The following PAIP2B variants were observed in gnomAD, a reference collection of about 807,000 sequenced individuals.
PAIP2B encodes the protein polyadenylate-binding protein-interacting protein 2B.
In PAIP2B, 13 loss-of-function variants were observed where a neutral mutation model predicts 17.0. That is an observed-to-expected ratio of 0.76 (90% confidence interval 0.50 to 1.22). The LOEUF is 1.22. Ranked by LOEUF, PAIP2B falls within the 50% of genes most tolerant of loss-of-function variation. PAIP2B has a pLI of 0.00. For missense variants in PAIP2B, 117 were observed against 144.5 expected, an observed-to-expected ratio of 0.81 and a Z score of 0.98; for synonymous variants, 43 against 48.7, an observed-to-expected ratio of 0.88 and a Z score of 0.48.
In PAIP2B at chr2:71,185,442, C is replaced by G. The variant is rs1674512168; in HGVS notation, c.*3037G>C. 1 of 151,862 alleles carries G rather than the reference C, an allele frequency of 6.6e-6. No individual in the cohort carries two copies. The highest frequency in any genetic ancestry group is 1.5e-5 in the Non-Finnish European group (1 of 68,012). The allele number at this position is 151,862 out of a possible 1,614,324, so 9.4% of individuals were successfully genotyped here. On this transcript the variant is annotated 3_prime_UTR_variant, in exon 4 of 4. Coordinates refer to ENST00000244221, the MANE Select transcript of PAIP2B (RefSeq NM_020459.1). ...AATTAGCTGGCCGTGGTGGTGCGTACCTGTTGTCCCAGCTACTCGGGAGGC... is the reference window on the plus strand; with the variant it reads ...AATTAGCTGGCCGTGGTGGTGCGTAGCTGTTGTCCCAGCTACTCGGGAGGC...
intron 2 of PAIP2B, among the ~76,000 whole-genome samples, chr2:71,193,710 C>T (rs907974907): frequency 2.0e-5 from 3 of 151,914 alleles, no homozygotes; most frequent in East Asian, 3.9e-4. Context: ...AAAAATTAGC[C>T]GGGTGTGGTG....
chr2:71,205,638 C>T (rs781173009), intron 1 of PAIP2B, among the ~76,000 whole-genome samples: 49 of 152,202 alleles, frequency 3.2e-4, no homozygotes, highest in Non-Finnish European at 4.9e-4. Flanking sequence ...TTTCATGTAA[C>T]ATTCTCTGTT....
intron 1 of PAIP2B, among the ~76,000 whole-genome samples, chr2:71,218,535 G>A (rs759875489): frequency 2.0e-4 from 31 of 152,122 alleles, no homozygotes; most frequent in Admixed American, 1.1e-3. Context: ...GTCACTGTTG[G>A]TGGGAGTATA....
chr2:71,190,801 A>G (rs183879541), intron 2 of PAIP2B, among the ~76,000 whole-genome samples: 3 of 152,366 alleles, frequency 2.0e-5, no homozygotes, highest in Admixed American at 2.0e-4. Context: ...ATCAAAGCCA[A>G]TGCTCTCAGC....
At chr2:71,203,642 A>G (rs1199730880) in intron 1 of PAIP2B, among the ~76,000 whole-genome samples, 1 of 151,910 alleles carries the variant, frequency 6.6e-6, no homozygotes, top group Non-Finnish European at 1.5e-5. Context: ...TTTTACTGCT[A>G]AAGTACTTTG....
Position 71,190,038 on chromosome 2 carries a change from A to G in PAIP2B, c.139-17T>C. 1 of 1,603,160 alleles carries G rather than the reference A, an allele frequency of 6.2e-7. No homozygotes were observed. Among genetic ancestry groups the G allele is most frequent in the Non-Finnish European group, 8.5e-7 (1 of 1,175,000 alleles). On this transcript the variant is annotated splice_polypyrimidine_tract_variant and intron_variant, in intron 2 of 3. Transcript: ENST00000244221. ...CTCCTCCACCTAGCAAGCAAAGGGGAGCAGCTCAGACTTACTGTCACAGCA... is the reference window on the plus strand; with the variant it reads ...CTCCTCCACCTAGCAAGCAAAGGGGGGCAGCTCAGACTTACTGTCACAGCA...
In PAIP2B at chr2:71,184,405, G is replaced by C. The variant is rs1417355548; in HGVS notation, c.*4074C>G. On this transcript the variant is annotated 3_prime_UTR_variant, in exon 4 of 4. Transcript: ENST00000244221. ...ATGCCTCTAAAAACCAGACTGACTGGGAACAGCAGTAGGGGGTTGGCCAGT... is the reference window on the plus strand; with the variant it reads ...ATGCCTCTAAAAACCAGACTGACTGCGAACAGCAGTAGGGGGTTGGCCAGT... 1.3e-5 allele frequency: 2 copies of C among 152,196 alleles called. No homozygotes were observed. Among genetic ancestry groups the C allele is most frequent in the Non-Finnish European group, 2.9e-5 (2 of 68,046 alleles). 9.4% of individuals were successfully genotyped at this position (152,196 alleles called of 1,614,324 possible). A position where few individuals can be genotyped will look rare whatever the true frequency, so the allele number is the denominator to read the frequency against.
chr2:71,189,743 C>T (rs1572919283), intron 3 of PAIP2B, 102 bp downstream of exon 3: 1 of 1,162,844 alleles, frequency 8.6e-7, no homozygotes, highest in Non-Finnish European at 1.2e-6. Context: ...GCTCACAGGG[C>T]TCCAGACTTG....
At chr2:71,196,136 T>C (rs1674811634) in intron 2 of PAIP2B, among the ~76,000 whole-genome samples, 1 of 152,188 alleles carries the variant, frequency 6.6e-6, no homozygotes, top group African/African-American at 2.4e-5. Flanking sequence ...TTTTATCACT[T>C]TGTGAGGTGG....
intron 1 of PAIP2B, among the ~76,000 whole-genome samples, chr2:71,204,356 T>C (rs569029247): frequency 1.3e-5 from 2 of 152,340 alleles, no homozygotes; most frequent in Admixed American, 1.3e-4. Context: ...AGTTATTTTC[T>C]GTTTCTGGAT....
intron 1 of PAIP2B, among the ~76,000 whole-genome samples, chr2:71,223,148 C>T (rs1675633048): frequency 6.6e-6 from 1 of 152,178 alleles, no homozygotes. Context: ...TGCAGAGGCT[C>T]ACGCCTGTAA....
At chr2:71,223,094 CT>C (rs1369035551) in intron 1 of PAIP2B, among the ~76,000 whole-genome samples, 1 of 152,162 alleles carries the variant, frequency 6.6e-6, no homozygotes, top group Non-Finnish European at 1.5e-5. Flanking sequence ...GGACCTTAAT[CT>C]CCAGCTTGTT....
intron 1 of PAIP2B, among the ~76,000 whole-genome samples, chr2:71,207,385 G>A (rs1241689557): frequency 6.6e-6 from 1 of 152,160 alleles, no homozygotes; most frequent in Non-Finnish European, 1.5e-5. Flanking sequence ...AGAATGACAA[G>A]GAAGAGAGAT....
intron 1 of PAIP2B, among the ~76,000 whole-genome samples, chr2:71,223,516 C>T (rs909669900): frequency 6.6e-6 from 1 of 151,508 alleles, no homozygotes; most frequent in South Asian, 2.1e-4. Context: ...CGGCTCACTG[C>T]AACCTCCACC....
intron 1 of PAIP2B, among the ~76,000 whole-genome samples, chr2:71,226,401 A>T (rs1286631280): frequency 6.6e-6 from 1 of 152,220 alleles, no homozygotes; most frequent in Non-Finnish European, 1.5e-5. Context: ...CAAATGAGGC[A>T]TGAAGAATGA....
At position 71,184,771 on chromosome 2, in the gene PAIP2B, C is replaced by G. The variant is rs878869645; in HGVS notation, c.*3708G>C. ...AAATTAGAGTCAATCCTCCTGTTCT[C>G]CCCACCCACTTCGCAAACTAATGAC... On this transcript the variant is annotated 3_prime_UTR_variant, in exon 4 of 4. Transcript: ENST00000244221. 2.6e-5 allele frequency: 4 copies of G among 152,290 alleles called. No homozygotes were observed. The South Asian group carries it at 8.3e-4, about 32-fold the overall frequency. 9.4% of individuals were successfully genotyped at this position (152,290 alleles called of 1,614,324 possible).
chr2:71,218,161 C>A (rs1293915302), intron 1 of PAIP2B, among the ~76,000 whole-genome samples: 1 of 151,922 alleles, frequency 6.6e-6, no homozygotes, highest in Non-Finnish European at 1.5e-5. Context: ...GACTTTGGAG[C>A]TTGGCTAGCA....
At chr2:71,193,762 G>A (rs1442754674) in intron 2 of PAIP2B, among the ~76,000 whole-genome samples, 1 of 152,088 alleles carries the variant, frequency 6.6e-6, no homozygotes, top group Non-Finnish European at 1.5e-5. Flanking sequence ...GCTGAGGCAG[G>A]AGAATGGCGA....
At chr2:71,205,892 T>C (rs1271190172) in intron 1 of PAIP2B, among the ~76,000 whole-genome samples, 1 of 152,162 alleles carries the variant, frequency 6.6e-6, no homozygotes, top group Admixed American at 6.5e-5. Context: ...GAGAGGCTCA[T>C]GGGAGAGGAA....
Sources: gnomAD v4.1 joint callset for allele counts (sites outside exome capture counted in the v4.1 genomes callset) on GRCh38, gnomAD v4.1.1 for gene constraint, MANE v1.5 for transcripts, NCBI Gene and HGNC (gene_info 2026-07-23, HGNC 2026-07-21) for gene names.